The following UBAP2 variants were observed in gnomAD, a reference collection of about 807,000 sequenced individuals.
UBAP2 encodes the protein ubiquitin associated protein 2, also known as ubiquitin-associated protein 2.
UBAP2 carries 75 observed loss-of-function variants against 139.6 expected under a neutral mutation model. The observed-to-expected ratio is 0.54, with a 90% CI of 0.45 to 0.65. The LOEUF is 0.65. Among genes scored for constraint, UBAP2 ranks in the 30% least tolerant of loss-of-function variants. UBAP2 has a pLI of 0.00. For synonymous variants in UBAP2, 526 were observed against 526.2 expected (o/e 1.00, Z 0.01); for missense variants, 1,368 against 1,369.6 (o/e 1.00, Z 0.02).
Position 33,955,039 on chromosome 9 carries a change from A to G in UBAP2, c.866+1040T>C, listed in dbSNP as rs144218210. 5.6e-3 allele frequency among the ~76,000 whole-genome samples: 856 copies of G among 152,324 alleles called. 10 individuals are homozygous for G. Among genetic ancestry groups the G allele is most frequent in the African/African-American group, 0.02 (818 of 41,574 alleles). The stretch of plus-strand genomic sequence containing the variant: ...TACATTCTAAGAATGTGGTTATCCC[A>G]TAAGTTCCTTCCTTTTCTGTAATCT... On this transcript the variant is annotated intron_variant, in intron 11 of 28. Coordinates refer to ENST00000379238, the MANE Select transcript of UBAP2 (RefSeq NM_001370062.2).
At chr9:33,989,423 G>A (rs573687827) in intron 4 of UBAP2, among the ~76,000 whole-genome samples, 2 of 152,018 alleles carry the variant, frequency 1.3e-5, no homozygotes, top group African/African-American at 4.8e-5. Context: ...TGATGGTCTC[G>A]ATCTCCTGAC....
intron 2 of UBAP2, among the ~76,000 whole-genome samples, chr9:34,009,022 T>C (rs1191611325): frequency 3.3e-5 from 5 of 150,784 alleles, no homozygotes; most frequent in Admixed American, 1.3e-4. Context: ...AATATATCTC[T>C]ATCTCTATCG....
intron 2 of UBAP2, among the ~76,000 whole-genome samples, chr9:34,003,491 C>G (rs961595900): frequency 4.6e-5 from 7 of 151,762 alleles, no homozygotes; most frequent in African/African-American, 1.7e-4. Context: ...CTGCAACCTC[C>G]GCTTCCCAGG....
At chr9:33,974,817 G>A (rs1367990217) in intron 6 of UBAP2, among the ~76,000 whole-genome samples, 1 of 151,920 alleles carries the variant, frequency 6.6e-6, no homozygotes, top group Non-Finnish European at 1.5e-5. Context: ...GCGCATGCCT[G>A]TAGTCCCAGG....
rs187233621 is a variant in UBAP2, at chr9:33,956,025, A to G, written c.866+54T>C. On this transcript the variant is annotated intron_variant, in intron 11 of 28. Transcript: ENST00000379238. ...AAATGAAAATACTTTTCCTGAGGCA[A>G]AAGATTTCTGTAATGCTTTGAATAA... 4.4e-3 allele frequency: 6,226 copies of G among 1,422,838 alleles called. 19 individuals carry two copies. The highest frequency in any genetic ancestry group is 5.0e-3 in the Non-Finnish European group (5,173 of 1,039,246). 88.1% of individuals were successfully genotyped at this position (1,422,838 alleles called of 1,614,324 possible).
intron 2 of UBAP2, among the ~76,000 whole-genome samples, chr9:34,008,050 G>A (rs1024038327): frequency 3.3e-5 from 5 of 151,926 alleles, no homozygotes; most frequent in East Asian, 3.9e-4. Context: ...CAGGAGAATC[G>A]CTTGAACCTG....
intron 9 of UBAP2, 51 bp downstream of exon 9, chr9:33,963,675 G>T: frequency 8.9e-7 from 1 of 1,124,546 alleles, no homozygotes; most frequent in Non-Finnish European, 1.3e-6. Flanking sequence ...GATATTGCAA[G>T]CAATTTATAA....
intron 6 of UBAP2, among the ~76,000 whole-genome samples, chr9:33,984,343 G>A (rs1471448000): frequency 6.6e-6 from 1 of 151,974 alleles, no homozygotes; most frequent in African/African-American, 2.4e-5. Flanking sequence ...CAACTCAACA[G>A]CCAAAATATA....
chr9:33,943,031 C>T (rs1564023637), intron 15 of UBAP2, among the ~76,000 whole-genome samples: 2 of 151,938 alleles, frequency 1.3e-5, no homozygotes, highest in South Asian at 4.2e-4. Context: ...AAAGAGCAAA[C>T]AACCCAAATG....
intron 2 of UBAP2, among the ~76,000 whole-genome samples, chr9:34,005,376 A>C (rs1823108868): frequency 6.8e-6 from 1 of 148,112 alleles, no homozygotes; most frequent in Non-Finnish European, 1.5e-5. Context: ...CAGAGGGTGC[A>C]GTGAGCCTAG....
rs775101887 is a variant in UBAP2, at chr9:33,924,231, C to A, written c.2565G>T (p.Gly855=). ...AAPTALASRD[G]SLANNPYPGD... is the part of the protein sequence containing the mutation. ...CTGGATATGGATTATTAGCTAGGCT[C>A]CCATCTCGGCTGGCAAGCGCTGTGG... is the stretch of plus-strand genomic sequence containing the variant. The change falls in exon 23 of 29, where the codon GGG becomes GGT. Residue 855 remains glycine, a synonymous_variant. Coordinates refer to ENST00000379238, the MANE Select transcript of UBAP2 (RefSeq NM_001370062.2). 1 of 1,614,052 alleles carries A rather than the reference C, an allele frequency of 6.2e-7. No homozygotes were observed. The highest frequency in any genetic ancestry group is 1.3e-5 in the African/African-American group (1 of 74,922).
intron 3 of UBAP2, chr9:33,998,351 C>A (rs567965424): frequency 7.6e-5 from 12 of 157,404 alleles, no homozygotes; most frequent in Non-Finnish European, 1.7e-4. Flanking sequence ...TGAACTATGA[C>A]AGCACCACTG....
rs1325595149 is a variant in UBAP2 at position 33,953,446 on chromosome 9, GCT to G, written c.893_894del (p.Lys298ThrfsTer14). 8 of 1,613,956 alleles carry G rather than the reference GCT, an allele frequency of 5.0e-6. No individual in the cohort carries two copies. The highest frequency in any genetic ancestry group is 6.8e-6 in the Non-Finnish European group (8 of 1,179,986). Reference protein sequence around the residue: ...QSIDLVALLQKPVPHSQASEA... With the variant: ...QSIDLVALLQXPVPHSQASEA... ...TCTGAGGCTTGACTGTGAGGAACAG[GCT>G]TCTGGAGCAAGGCTACCAGATCAAT... On this transcript the variant is annotated frameshift_variant, in exon 12 of 29. Transcript: ENST00000379238. LOFTEE classifies it high-confidence loss of function.
intron 12 of UBAP2, 91 bp from the exon 13 acceptor site, chr9:33,948,678 T>A: frequency 9.6e-7 from 1 of 1,042,702 alleles, no homozygotes. Context: ...ACAAGTATGT[T>A]AAAACCTATA....
intron 7 of UBAP2, 122 bp downstream of exon 7, chr9:33,973,061 T>C (rs1587590725): frequency 1.2e-6 from 1 of 854,176 alleles, no homozygotes; most frequent in East Asian, 2.5e-5. Flanking sequence ...TGTAAATCTC[T>C]TTAAGTATAG....
intron 1 of UBAP2, among the ~76,000 whole-genome samples, chr9:34,037,674 T>C (rs1387821442): frequency 6.6e-6 from 1 of 152,176 alleles, no homozygotes; most frequent in Non-Finnish European, 1.5e-5. Flanking sequence ...GCTTATCAGA[T>C]GACCTGACTG....
rs532671468 is a variant in UBAP2, at chr9:33,958,106, C to A, written c.799-1960G>T. On this transcript the variant is annotated intron_variant, in intron 10 of 28. Coordinates refer to ENST00000379238, the MANE Select transcript of UBAP2 (RefSeq NM_001370062.2). The stretch of plus-strand genomic sequence containing the variant: ...CTTCCTAAGTAGCTGGGACTACAGG[C>A]ACCTGCCATCACACACAGCTATTTT... 3.3e-5 allele frequency among the ~76,000 whole-genome samples: 5 copies of A among 152,128 alleles called. No individual in the cohort carries two copies. The East Asian group carries it at 7.7e-4, about 24-fold the overall frequency.
intron 2 of UBAP2, among the ~76,000 whole-genome samples, chr9:34,016,254 GGAGGAA>G (rs1478278886): frequency 0.017 from 351 of 20,708 alleles, 14 homozygotes; most frequent in Non-Finnish European, 0.046. Flanking sequence ...AAGAGGAGGA[GGAGGAA>G]GAGGAGGAAG....
chr9:33,969,735 G>A (rs764300500), intron 8 of UBAP2, among the ~76,000 whole-genome samples: 2 of 149,416 alleles, frequency 1.3e-5, no homozygotes, highest in African/African-American at 2.4e-5. Context: ...GCATAGTGCC[G>A]GACACCTGTA....
Sources: gnomAD v4.1 joint callset for allele counts (sites outside exome capture counted in the v4.1 genomes callset) on GRCh38, gnomAD v4.1.1 for gene constraint, MANE v1.5 for transcripts, NCBI Gene and HGNC (gene_info 2026-07-23, HGNC 2026-07-21) for gene names.